Variants in IGFN1 observed in about 807,000 individuals in gnomAD.
IGFN1 encodes immunoglobulin-like and fibronectin type III domain-containing protein 1.
In IGFN1, 253 loss-of-function variants were observed where a neutral mutation model predicts 289.5. The ratio of observed to expected loss-of-function variants is 0.87; its 90% CI spans 0.79 to 0.97. IGFN1 has a LOEUF of 0.97. Ranked by LOEUF, IGFN1 falls within the 50% of genes least tolerant of loss-of-function variation. IGFN1 has a pLI of 0.00. For missense variants in IGFN1, 4,470 were observed against 4,686.1 expected (o/e 0.95, Z 1.35); for synonymous variants, 1,706 against 1,788.5 (o/e 0.95, Z 1.16).
chr1:201,212,717 G>A lies in IGFN1; in HGVS notation c.7824G>A (p.Arg2608=), dbSNP rs146941771. ...DLDSGSMPGG[R]GKSTSGPADR... ...ACAGCGGCTCTATGCCTGGGGGAAG[G>A]GGCAAGTCAACATCAGGGCCTGCTG... Residue 2608 remains arginine, a synonymous_variant, in exon 12 of 24, where the codon AGG becomes AGA. Coordinates refer to ENST00000335211, the MANE Select transcript of IGFN1 (RefSeq NM_001164586.2). The A allele has an allele frequency of 2.5e-5, 38 of 1,550,906 alleles. No homozygotes were observed. The highest frequency in any genetic ancestry group is 3.1e-5 in the Non-Finnish European group (36 of 1,146,602).
chr1:201,194,316 C>T (rs1406597046), intron 3 of IGFN1, 43 bp downstream of exon 3: 4 of 1,546,846 alleles, frequency 2.6e-6, no homozygotes, highest in Admixed American at 2.0e-5. Context: ...AAGATTCTTG[C>T]TCTCCTACCT....
At chr1:201,203,609 G>T (rs369947296) in intron 9 of IGFN1, 129 bp from the exon 10 acceptor site, 15 of 805,128 alleles carry the variant, frequency 1.9e-5, no homozygotes, top group South Asian at 1.6e-4. Flanking sequence ...CTCCTCTATG[G>T]TTCCAGGAAT....
chr1:201,213,195 C>A lies in IGFN1; in HGVS notation c.8302C>A (p.Gln2768Lys). Residue 2768 changes from glutamine (Q) to lysine (K), a missense_variant, in exon 12 of 24, where the codon CAG becomes AAG. Coordinates refer to ENST00000335211, the MANE Select transcript of IGFN1 (RefSeq NM_001164586.2). ...CCTGAGCTCTCAGCGAGGCAAGGGA[C>A]AGAGAGGAGGAAAGAGGTCCCTCGG... ...QDLSSQRGKGQRGGKRSLGEQ... is the reference protein window; with the variant it reads ...QDLSSQRGKGKRGGKRSLGEQ... 1.9e-6 allele frequency: 3 copies of A among 1,551,602 alleles called. No individual in the cohort carries two copies. The highest frequency in any genetic ancestry group is 1.4e-5 in the African/African-American group (1 of 73,110).
At chr1:201,201,619 C>G (rs955824567) in intron 8 of IGFN1, 100 bp from the exon 9 acceptor site, 20 of 644,878 alleles carry the variant, frequency 3.1e-5, no homozygotes, top group African/African-American at 2.9e-4. Flanking sequence ...TCATCTGGAA[C>G]GCTGTGGGCC....
rs71564140 is a variant in IGFN1, at chr1:201,200,832, C to CT, written c.633+438dup. Among the ~76,000 whole-genome samples, 179 of 84,294 alleles carry CT rather than the reference C, an allele frequency of 2.1e-3. 3 individuals are homozygous for CT. Among genetic ancestry groups the CT allele is most frequent in the South Asian group, 7.7e-3 (14 of 1,828 alleles). The allele number at this position is 84,294 out of a possible 152,430, so 55.3% of individuals were successfully genotyped here. A position where few individuals can be genotyped will look rare whatever the true frequency, so the allele number is the denominator to read the frequency against. ...GGGGAGGTACCTGGTTTATTTCTTTCTTTTTTTTTTTTTTTTTAAGATGGA... is the reference window on the plus strand; with the variant it reads ...GGGGAGGTACCTGGTTTATTTCTTTCTTTTTTTTTTTTTTTTTTAAGATGGA... On this transcript the variant is annotated intron_variant, in intron 8 of 23. Transcript: ENST00000335211.
rs1432987632 is a variant in IGFN1 at position 201,213,616 on chromosome 1, C to T, written c.8723C>T (p.Ala2908Val). 5 of 1,612,792 alleles carry T rather than the reference C, an allele frequency of 3.1e-6. No homozygotes were observed. Among genetic ancestry groups the T allele is most frequent in the Non-Finnish European group, 4.2e-6 (5 of 1,179,200 alleles). ...KPGTGSFSKD[A>V]QGPMGHFSQG... ...GGCACTGGCAGTTTCTCCAAGGATG[C>T]CCAAGGTAGGTGCTTCTCTGCTGAG... Residue 2908 changes from alanine to valine, a missense_variant, in exon 12 of 24, where the codon GCC (alanine) becomes GTC (valine). Ala to Val is a moderately conservative substitution (Grantham distance 64). Around this residue, in one of 8 missense-constraint regions of IGFN1, gnomAD observed 2,218 missense variants for 2,114.1 expected, o/e 1.05. Transcript: ENST00000335211.
In IGFN1 at chr1:201,207,823, C is replaced by T. The variant is rs1226171974; in HGVS notation, c.2930C>T (p.Ser977Leu). 8 of 1,535,620 alleles carry T rather than the reference C, an allele frequency of 5.2e-6. No homozygotes were observed. The highest frequency in any genetic ancestry group is 4.1e-5 in the African/African-American group (3 of 72,878). Reference sequence around the variant, plus strand: ...AGCGGGGCTGGTTATAGCTATGGCTCAGGGGTTCCAGGAGAAATGGGGTCC... The same window carrying T: ...AGCGGGGCTGGTTATAGCTATGGCTTAGGGGTTCCAGGAGAAATGGGGTCC... ...SKSGAGYSYG[S>L]GVPGEMGSGH... The change falls in exon 12 of 24, where the codon TCA becomes TTA. Residue 977 changes from serine to leucine, a missense_variant. By Grantham distance (145) the Ser-to-Leu change is moderately radical (BLOSUM62 -2). Coordinates refer to ENST00000335211, the MANE Select transcript of IGFN1 (RefSeq NM_001164586.2).
rs1055759611 is a variant in IGFN1, at chr1:201,211,271, T to G, written c.6378T>G (p.Asp2126Glu). The G allele has an allele frequency of 9.2e-6, 14 of 1,529,534 alleles. No individual in the cohort carries two copies. In the Admixed American group the frequency reaches 2.8e-4, roughly 30 times the overall value. The allele number at this position is 1,529,534 out of a possible 1,614,324, so 94.7% of individuals were successfully genotyped here. ...IGSGSKAGFR[D>E]GLGSSTEMGS... ...CAGGAAGTAAGGCAGGTTTTAGGGA[T>G]GGTTTAGGGAGTTCTACAGAAATGG... Residue 2126 changes from aspartate to glutamate, a missense_variant, in exon 12 of 24, where the codon GAT becomes GAG. Transcript: ENST00000335211.
Position 201,215,615 on chromosome 1 carries a change from A to G in IGFN1, c.9072A>G (p.Ile3024Met). ...PLVVKAGKPV[I>M]VKIPFQSHLP... ...TGGTCAAGGCTGGGAAGCCGGTGATAGTGAAGATCCCCTTCCAGAGCCACC... is the reference window on the plus strand; with the variant it reads ...TGGTCAAGGCTGGGAAGCCGGTGATGGTGAAGATCCCCTTCCAGAGCCACC... Residue 3024 changes from isoleucine to methionine, a missense_variant, in exon 15 of 24, where the codon ATA becomes ATG. This residue lies in a region of IGFN1 where 2,218 missense variants were observed against 2,114.1 expected (regional missense o/e 1.05). Coordinates refer to ENST00000335211, the MANE Select transcript of IGFN1 (RefSeq NM_001164586.2). 2 of 1,613,678 alleles carry G rather than the reference A, an allele frequency of 1.2e-6. No homozygotes were observed. The highest frequency in any genetic ancestry group is 1.7e-6 in the Non-Finnish European group (2 of 1,179,786).
chr1:201,216,074 C>A (rs1206198641), intron 15 of IGFN1: 2 of 708,136 alleles, frequency 2.8e-6, no homozygotes, highest in Non-Finnish European at 5.2e-6. Context: ...CTTCTCTGAC[C>A]CCAATACACT....
intron 1 of IGFN1, among the ~76,000 whole-genome samples, chr1:201,192,000 G>A (rs1317372053): frequency 1.3e-5 from 2 of 152,046 alleles, no homozygotes; most frequent in Admixed American, 1.3e-4. Flanking sequence ...TGGGATGGGG[G>A]CCCTTGCAGC....
intron 9 of IGFN1, among the ~76,000 whole-genome samples, chr1:201,203,536 T>TC (rs1387354028): frequency 6.6e-6 from 1 of 152,218 alleles, no homozygotes; most frequent in Non-Finnish European, 1.5e-5. Flanking sequence ...GAGCATGGAT[T>TC]CCCATCCAGC....
In IGFN1 at chr1:201,212,198, C is replaced by T. The variant is rs1667849952; in HGVS notation, c.7305C>T (p.Gly2435=). ...GMAGMPGTAG[G]MAHRDSLRGT... is the part of the protein sequence containing the mutation. ...CTGGAATGCCAGGCACTGCAGGTGG[C>T]ATGGCACACAGAGACAGCCTCAGGG... is the stretch of plus-strand genomic sequence containing the variant. Residue 2435 remains glycine (G), a synonymous_variant, in exon 12 of 24, where the codon GGC becomes GGT. Transcript: ENST00000335211. The T allele has an allele frequency of 6.5e-7, 1 of 1,534,802 alleles. No homozygotes were observed.
chr1:201,199,502 G>C lies in IGFN1; in HGVS notation c.413-107G>C, dbSNP rs149337698. 1,635 of 1,409,392 alleles carry C rather than the reference G, an allele frequency of 1.2e-3. 18 individuals carry two copies. The African/African-American group carries it at 0.022, about 19-fold the overall frequency. The allele number at this position is 1,409,392 out of a possible 1,614,324, so 87.3% of individuals were successfully genotyped here. ...TGGATCACCACCAGTCTTCAAGAGA[G>C]CCCCTTCCAAAGGCTCAGTTGTCAG... On this transcript the variant is annotated intron_variant, in intron 6 of 23. Transcript: ENST00000335211.
At chr1:201,218,052 A>G (rs989776468) in intron 17 of IGFN1, among the ~76,000 whole-genome samples, 1 of 152,238 alleles carries the variant, frequency 6.6e-6, no homozygotes, top group Non-Finnish European at 1.5e-5. Context: ...CTTGCTCTGC[A>G]TGCGTGCTGC....
intron 10 of IGFN1, 105 bp from the exon 11 acceptor site, chr1:201,204,977 G>A: frequency 8.5e-7 from 1 of 1,181,682 alleles, no homozygotes; most frequent in Non-Finnish European, 1.2e-6. Context: ...GGAGTTTGTG[G>A]CTGAGCTGGT....
chr1:201,195,380 G>A (rs1321559826), intron 3 of IGFN1, among the ~76,000 whole-genome samples: 1 of 152,170 alleles, frequency 6.6e-6, no homozygotes, highest in African/African-American at 2.4e-5. Flanking sequence ...TCGAACTCCT[G>A]ATCTCAGGTG....
At chr1:201,200,590 G>A (rs575676189) in intron 8 of IGFN1, among the ~76,000 whole-genome samples, 179 bp downstream of exon 8, 80 of 152,304 alleles carry the variant, frequency 5.3e-4, no homozygotes, top group African/African-American at 1.8e-3. Context: ...TCCCAGGTTG[G>A]TGTCCTGCCT....
At chr1:201,218,096 C>T (rs376995605) in intron 17 of IGFN1, among the ~76,000 whole-genome samples, 3 of 152,200 alleles carry the variant, frequency 2.0e-5, no homozygotes, top group Admixed American at 1.3e-4. Flanking sequence ...AGAACAGGCT[C>T]GGAACAGCTT....
Sources: allele counts gnomAD v4.1 joint callset (sites outside exome capture counted in the v4.1 genomes callset), GRCh38; gene constraint gnomAD v4.1.1; regional missense constraint gnomAD v4.1.1; transcripts MANE v1.5; gene names NCBI Gene and HGNC (gene_info 2026-07-23, HGNC 2026-07-21).